TGM6: variants seen among roughly 807,000 people sequenced by gnomAD.
TGM6 encodes the protein transglutaminase 6, also known as protein-glutamine gamma-glutamyltransferase 6.
TGM6 carries 74 observed loss-of-function variants against 77.5 expected under a neutral mutation model. That is an observed-to-expected ratio of 0.96 (90% confidence interval 0.79 to 1.16). TGM6 has a LOEUF of 1.16. TGM6 is among the 50% of genes most tolerant of loss of function. The pLI is 0.00. For missense variants in TGM6, 968 were observed against 940.2 expected (o/e 1.03, Z -0.39); for synonymous variants, 383 against 378.9 (o/e 1.01, Z -0.12).
intron 9 of TGM6, among the ~76,000 whole-genome samples, chr20:2,409,514 C>A (rs927035663): frequency 5.9e-5 from 9 of 152,040 alleles, no homozygotes; most frequent in Non-Finnish European, 1.2e-4. Flanking sequence ...GAGTTCGAGA[C>A]CAGCCTGGCC....
chr20:2,384,834 C>G (rs932635261), intron 1 of TGM6, among the ~76,000 whole-genome samples: 2 of 152,170 alleles, frequency 1.3e-5, no homozygotes, highest in African/African-American at 4.8e-5. Context: ...AGCACTCTTA[C>G]CACATCCTTT....
intron 1 of TGM6, among the ~76,000 whole-genome samples, chr20:2,391,130 G>A (rs1354529911): frequency 1.3e-5 from 2 of 148,982 alleles, no homozygotes; most frequent in Non-Finnish European, 3.0e-5. Flanking sequence ...GAGCCCTGAG[G>A]ATATGCGGGG....
At chr20:2,392,038 G>C (rs905611624) in intron 1 of TGM6, among the ~76,000 whole-genome samples, 4 of 152,168 alleles carry the variant, frequency 2.6e-5, no homozygotes, top group African/African-American at 7.2e-5. Flanking sequence ...CTAACTACTT[G>C]AGTTTAGGTG....
At chr20:2,382,533 T>C (rs977480044) in intron 1 of TGM6, among the ~76,000 whole-genome samples, 1 of 152,228 alleles carries the variant, frequency 6.6e-6, no homozygotes, top group Non-Finnish European at 1.5e-5. Flanking sequence ...CTTGCTGGGT[T>C]CCTCTCTCTG....
intron 10 of TGM6, among the ~76,000 whole-genome samples, chr20:2,423,990 C>T (rs940029390): frequency 3.3e-5 from 5 of 152,190 alleles, no homozygotes; most frequent in African/African-American, 9.6e-5. Flanking sequence ...TAGGTCTCAA[C>T]AGTTGGCCTA....
At chr20:2,412,797 T>C (rs1227598561) in intron 9 of TGM6, among the ~76,000 whole-genome samples, 1 of 152,056 alleles carries the variant, frequency 6.6e-6, no homozygotes, top group Non-Finnish European at 1.5e-5. Context: ...TCAAAAAGAA[T>C]AAAGTACTTA....
chr20:2,410,521 G>T (rs1458879045), intron 9 of TGM6, among the ~76,000 whole-genome samples: 2 of 152,272 alleles, frequency 1.3e-5, no homozygotes, highest in Admixed American at 6.5e-5. Context: ...GAAACCTAAG[G>T]CTGGGGCCAG....
intron 9 of TGM6, among the ~76,000 whole-genome samples, chr20:2,406,748 T>C (rs1282459263): frequency 1.4e-5 from 2 of 145,224 alleles, no homozygotes; most frequent in Non-Finnish European, 3.0e-5. Context: ...GGCAGGAGAA[T>C]TGCTTGAACC....
At chr20:2,426,017 TAA>T (rs1022064726) in intron 10 of TGM6, among the ~76,000 whole-genome samples, 1 of 152,204 alleles carries the variant, frequency 6.6e-6, no homozygotes, top group African/African-American at 2.4e-5. Flanking sequence ...CACCCACACA[TAA>T]AGTTTGGAAT....
At chr20:2,393,818 C>T (rs563349597) in intron 1 of TGM6, among the ~76,000 whole-genome samples, 7 of 152,246 alleles carry the variant, frequency 4.6e-5, no homozygotes, top group African/African-American at 7.2e-5. Flanking sequence ...CGAGCCACCA[C>T]GCCCATCCTA....
chr20:2,430,467 T>C lies in TGM6; in HGVS notation c.1700T>C (p.Ile567Thr), dbSNP rs578172059. The change falls in exon 11 of 13, where the codon ATA becomes ACA. Residue 567 changes from isoleucine to threonine, a missense_variant. Ile to Thr is a moderately conservative substitution (Grantham distance 89, BLOSUM62 -1). Transcript: ENST00000202625. ...PQEEKRIPITISYSKYKEDLT... is the reference protein window; with the variant it reads ...PQEEKRIPITTSYSKYKEDLT... ...CCAGAGAAGAGAATCCCAATTACAA[T>C]ATCTTACTCTAAGTATAAAGAAGAC... 2.0e-5 allele frequency: 33 copies of C among 1,614,166 alleles called. No homozygotes were observed. In the South Asian group the frequency reaches 3.5e-4, roughly 17 times the overall value.
chr20:2,425,192 A>C (rs8126371), intron 10 of TGM6, among the ~76,000 whole-genome samples: 1 of 151,798 alleles, frequency 6.6e-6, no homozygotes, highest in Non-Finnish European at 1.5e-5. Context: ...AATTAAAATA[A>C]AAAATACCTG....
At chr20:2,406,410 T>C (rs1444889200) in intron 9 of TGM6, among the ~76,000 whole-genome samples, 1 of 151,290 alleles carries the variant, frequency 6.6e-6, no homozygotes, top group Non-Finnish European at 1.5e-5. Flanking sequence ...GGAGGAATGC[T>C]TGATTCTGGA....
intron 4 of TGM6, 41 bp downstream of exon 4, chr20:2,396,665 C>T: frequency 6.3e-7 from 1 of 1,593,564 alleles, no homozygotes; most frequent in Non-Finnish European, 8.6e-7. Flanking sequence ...TGGGCTGGGG[C>T]ATGGGGAGGT....
chr20:2,388,161 A>G (rs1212097618), intron 1 of TGM6, among the ~76,000 whole-genome samples: 2 of 152,222 alleles, frequency 1.3e-5, no homozygotes, highest in Non-Finnish European at 2.9e-5. Context: ...TCAACATCAT[A>G]TTGAAAGAAG....
rs1250070854 is a variant in TGM6 at position 2,400,372 on chromosome 20, A to G, written c.917A>G (p.Gln306Arg). Residue 306 changes from glutamine to arginine, a missense_variant, in exon 7 of 13, where the codon CAG becomes CGG. Coordinates refer to ENST00000202625, the MANE Select transcript of TGM6 (RefSeq NM_198994.3). ...TTCAACTCAGCCCACGACACAGACC[A>G]GAACCTGAGTGTGGACAAATACGTG... is the stretch of plus-strand genomic sequence containing the variant. ...SNFNSAHDTD[Q>R]NLSVDKYVDS... 2 of 1,614,094 alleles carry G rather than the reference A, an allele frequency of 1.2e-6. No individual in the cohort carries two copies. Among genetic ancestry groups the G allele is most frequent in the Non-Finnish European group, 1.7e-6 (2 of 1,180,050 alleles).
chr20:2,391,246 G>A (rs983899972), intron 1 of TGM6, among the ~76,000 whole-genome samples: 2 of 152,006 alleles, frequency 1.3e-5, no homozygotes, highest in African/African-American at 2.4e-5. Context: ...GGAGGCATAA[G>A]CACTTGAATA....
chr20:2,393,626 C>G (rs557421914), intron 1 of TGM6, among the ~76,000 whole-genome samples: 1 of 152,046 alleles, frequency 6.6e-6, no homozygotes, highest in Non-Finnish European at 1.5e-5. Context: ...TTCCACCTCC[C>G]GGGTTCAAGC....
At chr20:2,420,914 G>A (rs1007621234) in intron 10 of TGM6, among the ~76,000 whole-genome samples, 1 of 151,956 alleles carries the variant, frequency 6.6e-6, no homozygotes, top group African/African-American at 2.4e-5. Flanking sequence ...GGTTGATTCC[G>A]AGTTTTGGCA....
Sources: allele counts gnomAD v4.1 joint callset (sites outside exome capture counted in the v4.1 genomes callset), GRCh38; gene constraint gnomAD v4.1.1; transcripts MANE v1.5; gene names NCBI Gene and HGNC (gene_info 2026-07-23, HGNC 2026-07-21).